The following RGS6 variants were observed in gnomAD, a reference collection of about 807,000 sequenced individuals.
RGS6 encodes regulator of G protein signaling 6.
In RGS6, 30 loss-of-function variants were observed where a neutral mutation model predicts 78.5. The ratio of observed to expected loss-of-function variants is 0.38; its 90% confidence interval spans 0.29 to 0.52. The LOEUF (loss-of-function observed/expected upper bound fraction) is 0.52. Among genes scored for constraint, RGS6 ranks in the 20% least tolerant of loss-of-function variants. RGS6 has a pLI of 0.85. For synonymous variants in RGS6, 206 were observed against 206.0 expected (o/e 1.00, Z 0.00); for missense variants, 495 against 609.7 (o/e 0.81, Z 1.98).
intron 12 of RGS6, among the ~76,000 whole-genome samples, chr14:72,490,724 A>G (rs1246363741): frequency 6.6e-6 from 1 of 152,224 alleles, no homozygotes; most frequent in South Asian, 2.1e-4. Flanking sequence ...AGGGGTCATG[A>G]TAAACACCTG....
chr14:72,350,496 G>A (rs1198834867), intron 2 of RGS6, among the ~76,000 whole-genome samples: 2 of 152,142 alleles, frequency 1.3e-5, no homozygotes, highest in Non-Finnish European at 2.9e-5. Context: ...GTTGGGTGGT[G>A]CTATGTGACC....
chr14:72,213,205 C>T (rs1379944076), intron 2 of RGS6, among the ~76,000 whole-genome samples: 2 of 152,150 alleles, frequency 1.3e-5, no homozygotes, highest in African/African-American at 4.8e-5. Context: ...AACACTACTC[C>T]TGTATATTTC....
intron 9 of RGS6, among the ~76,000 whole-genome samples, chr14:72,473,576 A>G (rs953378981): frequency 2.0e-5 from 3 of 152,192 alleles, no homozygotes; most frequent in Non-Finnish European, 2.9e-5. Flanking sequence ...TTCCACTGCT[A>G]TTCAACTCTG....
At chr14:72,475,830 G>GCACGCACACACACACACACGCACACACA in intron 10 of RGS6, among the ~76,000 whole-genome samples, 1 of 145,606 alleles carries the variant, frequency 6.9e-6, no homozygotes, top group Non-Finnish European at 1.5e-5. Context: ...AAAAATACAC[G>GCACGCACACACACACACACGCACACACA]CACACACACA....
rs551669115 is a variant in RGS6 at position 72,518,778 on chromosome 14, G to A, written c.1278+241G>A. On this transcript the variant is annotated intron_variant, in intron 15 of 17. Coordinates refer to ENST00000553525, the MANE Select transcript of RGS6 (RefSeq NM_001204424.2). ...CAGTTATATGCTTTATTTGTTCCAG[G>A]AAAGCCTCAAAGTGTTTTACAAAAT... 3.9e-5 allele frequency among the ~76,000 whole-genome samples: 6 copies of A among 152,310 alleles called. No individual in the cohort carries two copies. In the South Asian group the frequency reaches 1.0e-3, roughly 26 times the overall value.
intron 14 of RGS6, chr14:72,511,735 C>T (rs1177670954): frequency 6.6e-6 from 1 of 152,224 alleles, no homozygotes. Flanking sequence ...TCCATAAGGT[C>T]CTGAGAGGAC....
the RGS6 span, among the ~76,000 whole-genome samples, chr14:71,900,986 C>G: frequency 6.6e-6 from 1 of 152,288 alleles, no homozygotes; most frequent in South Asian, 2.1e-4. Flanking sequence ...AGCAAGAACT[C>G]ACTTATCACC....
At chr14:71,903,400 C>T in the RGS6 span, among the ~76,000 whole-genome samples, 2 of 152,172 alleles carry the variant, frequency 1.3e-5, no homozygotes, top group African/African-American at 4.8e-5. Flanking sequence ...GTTCTTCAAC[C>T]CACATTTTGA....
chr14:72,040,657 C>G (rs1322209225), intron 2 of RGS6, among the ~76,000 whole-genome samples: 1 of 152,046 alleles, frequency 6.6e-6, no homozygotes, highest in Non-Finnish European at 1.5e-5. Flanking sequence ...CTTTTTCCCC[C>G]TAGATTTGGG....
At chr14:72,585,036 A>T in the RGS6 span, among the ~76,000 whole-genome samples, 6 of 148,072 alleles carry the variant, frequency 4.1e-5, no homozygotes, top group East Asian at 1.2e-3. Flanking sequence ...AGACCCAAGC[A>T]TTATGTCGTC....
intron 2 of RGS6, among the ~76,000 whole-genome samples, chr14:71,990,167 C>T (rs2094894133): frequency 6.6e-6 from 1 of 151,458 alleles, no homozygotes; most frequent in Non-Finnish European, 1.5e-5. Flanking sequence ...AACAGCAGCC[C>T]AGCACGAAGT....
chr14:72,103,740 G>A (rs2095573916), intron 2 of RGS6, among the ~76,000 whole-genome samples: 1 of 152,176 alleles, frequency 6.6e-6, no homozygotes, highest in Non-Finnish European at 1.5e-5. Context: ...GAAGTATGCT[G>A]GAAGCATGCA....
At position 71,934,016 on chromosome 14, in the gene RGS6, A is replaced by G. The variant is rs547978805; in HGVS notation, c.-21+1075A>G. On this transcript the variant is annotated intron_variant, in intron 1 of 17. Transcript: ENST00000553525. ...ACACGGCTCTTACATATCAATTTTC[A>G]TAGGCAAATAGGTAATTACATAGAG... 1.3e-3 allele frequency among the ~76,000 whole-genome samples: 204 copies of G among 152,314 alleles called. 1 individual carries two copies. The highest frequency in any genetic ancestry group is 4.8e-3 in the African/African-American group (198 of 41,568).
At chr14:72,101,750 A>G (rs2095532980) in intron 2 of RGS6, among the ~76,000 whole-genome samples, 1 of 152,186 alleles carries the variant, frequency 6.6e-6, no homozygotes, top group African/African-American at 2.4e-5. Flanking sequence ...TGCATGTTGA[A>G]TCTCTACCCC....
intron 2 of RGS6, among the ~76,000 whole-genome samples, chr14:72,106,770 G>T (rs184243908): frequency 2.0e-5 from 3 of 152,264 alleles, no homozygotes; most frequent in African/African-American, 7.2e-5. Flanking sequence ...TGTTAGACCT[G>T]TTGGAGGTTC....
chr14:71,980,384 T>C (rs1382090961), intron 2 of RGS6, among the ~76,000 whole-genome samples: 1 of 151,686 alleles, frequency 6.6e-6, no homozygotes, highest in East Asian at 1.9e-4. Flanking sequence ...TGGTATGATT[T>C]TGCAGCGGCT....
the RGS6 span, among the ~76,000 whole-genome samples, chr14:72,606,163 C>G: frequency 3.9e-5 from 6 of 152,196 alleles, no homozygotes; most frequent in Admixed American, 3.9e-4. Context: ...CCATGCCATT[C>G]CAAGGCACTG....
At chr14:71,981,513 C>T (rs969208730) in intron 2 of RGS6, among the ~76,000 whole-genome samples, 5 of 151,552 alleles carry the variant, frequency 3.3e-5, no homozygotes, top group Admixed American at 1.3e-4. Context: ...GTTGGAATAC[C>T]CGGCCGTGTG....
intron 2 of RGS6, among the ~76,000 whole-genome samples, chr14:72,234,037 G>A (rs906967392): frequency 1.3e-5 from 2 of 152,162 alleles, no homozygotes; most frequent in African/African-American, 4.8e-5. Context: ...ATGCTTGTGA[G>A]TATGCTCACT....
Sources: gnomAD v4.1 joint callset for allele counts (sites outside exome capture counted in the v4.1 genomes callset) on GRCh38, gnomAD v4.1.1 for gene constraint, MANE v1.5 for transcripts, NCBI Gene and HGNC (gene_info 2026-07-23, HGNC 2026-07-21) for gene names.